Variants in DLG2 observed in about 807,000 individuals in gnomAD.
DLG2 encodes the protein discs large MAGUK scaffold protein 2.
DLG2 carries 45 observed loss-of-function variants against 132.5 expected under a neutral mutation model. The observed-to-expected ratio is 0.34, with a 90% CI of 0.27 to 0.44. The LOEUF (loss-of-function observed/expected upper bound fraction) is 0.44. Ranked by LOEUF, DLG2 falls within the 20% of genes least tolerant of loss-of-function variation. The probability of loss-of-function intolerance (pLI) is 1.00; values close to 1 mark genes in which losing one functional copy is unlikely to be tolerated. For synonymous variants in DLG2, 424 were observed against 419.6 expected (o/e 1.01, Z -0.13); for missense variants, 1,045 against 1,196.9 (o/e 0.87, Z 1.87).
chr11:84,377,238 G>GAAA (rs1202177359), intron 7 of DLG2, among the ~76,000 whole-genome samples: 1 of 151,670 alleles, frequency 6.6e-6, no homozygotes, highest in Non-Finnish European at 1.5e-5. Flanking sequence ...TACACCAAAA[G>GAAA]AAAACAATTC....
intron 6 of DLG2, among the ~76,000 whole-genome samples, chr11:84,975,804 C>A (rs1298910133): frequency 6.6e-6 from 1 of 152,170 alleles, no homozygotes; most frequent in Admixed American, 6.5e-5. Flanking sequence ...CCTGGTCCTC[C>A]AGCTTCTGCA....
At chr11:85,575,630 T>C (rs1256701992) in intron 3 of DLG2, among the ~76,000 whole-genome samples, 1 of 152,124 alleles carries the variant, frequency 6.6e-6, no homozygotes, top group East Asian at 1.9e-4. Flanking sequence ...ACCTTTGCAT[T>C]TGCATTGCAT....
At chr11:85,378,373 G>A (rs1050141995) in intron 3 of DLG2, among the ~76,000 whole-genome samples, 4 of 152,042 alleles carry the variant, frequency 2.6e-5, no homozygotes, top group Non-Finnish European at 5.9e-5. Context: ...AATATACATA[G>A]ATATAAATCC....
At chr11:84,627,921 C>A (rs1389088360) in intron 6 of DLG2, among the ~76,000 whole-genome samples, 4 of 152,074 alleles carry the variant, frequency 2.6e-5, no homozygotes, top group African/African-American at 9.7e-5. Context: ...AATGCAACAC[C>A]ATGACCCAAC....
intron 11 of DLG2, among the ~76,000 whole-genome samples, chr11:84,052,638 A>G (rs1305985252): frequency 1.3e-5 from 2 of 151,212 alleles, no homozygotes; most frequent in African/African-American, 2.4e-5. Context: ...AATTAAAACC[A>G]CAATGAGATA....
At position 84,474,919 on chromosome 11, in the gene DLG2, T is replaced by G. The variant is rs571508701; in HGVS notation, c.519+59651A>C. On this transcript the variant is annotated intron_variant, in intron 7 of 27. Coordinates refer to ENST00000376104, the MANE Select transcript of DLG2 (RefSeq NM_001142699.3). The stretch of plus-strand genomic sequence containing the variant: ...TTGAAAAATGCTTTTGTCTAACTCT[T>G]ACCTCCTTTGTGATAAGATACAGAC... Among the ~76,000 whole-genome samples, 4 of 152,256 alleles carry G rather than the reference T, an allele frequency of 2.6e-5. No homozygotes were observed. In the East Asian group the frequency reaches 7.8e-4, roughly 30 times the overall value.
chr11:84,746,099 T>A (rs897594495), intron 6 of DLG2, among the ~76,000 whole-genome samples: 3 of 151,812 alleles, frequency 2.0e-5, no homozygotes, highest in African/African-American at 7.3e-5. Flanking sequence ...AGACCGTGTG[T>A]GAGATAGGCA....
intron 19 of DLG2, among the ~76,000 whole-genome samples, chr11:83,615,536 T>A (rs2153420821): frequency 6.6e-6 from 1 of 152,330 alleles, no homozygotes; most frequent in African/African-American, 2.4e-5. Flanking sequence ...CAAAAGAGAC[T>A]TTGCAGATGT....
At chr11:84,139,143 T>C (rs1331968461) in intron 9 of DLG2, among the ~76,000 whole-genome samples, 2 of 152,106 alleles carry the variant, frequency 1.3e-5, no homozygotes, top group African/African-American at 4.8e-5. Context: ...GATCATCCCA[T>C]TCACATGTCT....
In DLG2 at chr11:83,627,740, G is replaced by T. The variant is rs557386154; in HGVS notation, c.1940+5471C>A. Among the ~76,000 whole-genome samples, 25 of 152,260 alleles carry T rather than the reference G, an allele frequency of 1.6e-4. No individual in the cohort carries two copies. In the East Asian group the frequency reaches 2.7e-3, roughly 16 times the overall value. On this transcript the variant is annotated intron_variant, in intron 19 of 27. Coordinates refer to ENST00000376104, the MANE Select transcript of DLG2 (RefSeq NM_001142699.3). ...TTGGGTATATACCCAGTAATGGGAT[G>T]GCTAGGTCAAATGGTATTTCTAGTT... is the stretch of plus-strand genomic sequence containing the variant.
intron 16 of DLG2, among the ~76,000 whole-genome samples, chr11:83,851,621 C>T (rs1441519968): frequency 1.4e-5 from 2 of 146,520 alleles, no homozygotes; most frequent in South Asian, 4.3e-4. Flanking sequence ...GAGTGAAACT[C>T]GGTCTCAAAA....
intron 4 of DLG2, among the ~76,000 whole-genome samples, chr11:85,160,571 C>A (rs967605711): frequency 6.6e-6 from 1 of 152,176 alleles, no homozygotes; most frequent in South Asian, 2.1e-4. Context: ...TGCTTTCTGA[C>A]CCATCTAGTC....
intron 14 of DLG2, among the ~76,000 whole-genome samples, chr11:83,956,186 C>T (rs1429988985): frequency 6.6e-6 from 1 of 152,116 alleles, no homozygotes; most frequent in Non-Finnish European, 1.5e-5. Context: ...AATTATCCGC[C>T]TTCACTATCA....
At chr11:84,459,067 T>A (rs1053076242) in intron 7 of DLG2, among the ~76,000 whole-genome samples, 3 of 150,686 alleles carry the variant, frequency 2.0e-5, no homozygotes, top group African/African-American at 7.3e-5. Flanking sequence ...TCCCTAAGCC[T>A]GCACTCTTAA....
intron 3 of DLG2, among the ~76,000 whole-genome samples, chr11:85,299,519 T>G (rs944569818): frequency 6.6e-6 from 1 of 152,146 alleles, no homozygotes; most frequent in Non-Finnish European, 1.5e-5. Context: ...TCCTCCCCAT[T>G]ATTGCCTTTG....
chr11:85,456,426 T>G (rs892165445), intron 3 of DLG2, among the ~76,000 whole-genome samples: 1 of 152,150 alleles, frequency 6.6e-6, no homozygotes, highest in African/African-American at 2.4e-5. Context: ...ACTCCTGGAT[T>G]TATTGATCTT....
In DLG2 at chr11:85,098,665, A is replaced by G. The variant is rs550497837; in HGVS notation, c.357+12996T>C. On this transcript the variant is annotated intron_variant, in intron 6 of 27. Coordinates refer to ENST00000376104, the MANE Select transcript of DLG2 (RefSeq NM_001142699.3). ...ATTAGCATCTTTAAAGAGAGGATATATTTAAATGTGATTACATTATGCAAA... is the reference window on the plus strand; with the variant it reads ...ATTAGCATCTTTAAAGAGAGGATATGTTTAAATGTGATTACATTATGCAAA... Among the ~76,000 whole-genome samples the G allele has an allele frequency of 1.6e-4, 24 of 152,328 alleles. 1 individual carries two copies. The South Asian group carries it at 5.0e-3, about 32-fold the overall frequency.
At chr11:84,098,399 C>A (rs2154178362) in intron 10 of DLG2, among the ~76,000 whole-genome samples, 1 of 152,194 alleles carries the variant, frequency 6.6e-6, no homozygotes, top group African/African-American at 2.4e-5. Context: ...ACAACTTGTT[C>A]TTTTCTCTGT....
chr11:85,056,675 T>G (rs892264720), intron 6 of DLG2, among the ~76,000 whole-genome samples: 1 of 151,640 alleles, frequency 6.6e-6, no homozygotes, highest in Non-Finnish European at 1.5e-5. Context: ...GTAGGGAAAG[T>G]ACAAAGAAAA....
Sources: gnomAD v4.1 joint callset for allele counts (sites outside exome capture counted in the v4.1 genomes callset) on GRCh38, gnomAD v4.1.1 for gene constraint, MANE v1.5 for transcripts, NCBI Gene and HGNC (gene_info 2026-07-23, HGNC 2026-07-21) for gene names.